The following LRMDA variants were observed in gnomAD, a reference collection of about 807,000 sequenced individuals.
LRMDA encodes the protein leucine-rich melanocyte differentiation-associated protein.
Under a neutral mutation model 29.8 loss-of-function variants are expected in LRMDA, and 18 were observed. The observed-to-expected ratio is 0.60, with a 90% confidence interval of 0.42 to 0.90. LRMDA has a LOEUF of 0.90. LRMDA is among the 40% of genes least tolerant of loss of function. The pLI is 0.00. For missense variants in LRMDA, 273 were observed against 273.9 expected, an observed-to-expected ratio of 1.00 and a Z score of 0.02; for synonymous variants, 125 against 109.4, an observed-to-expected ratio of 1.14 and a Z score of -0.89.
chr10:75,947,571 C>T (rs573330432), intron 2 of LRMDA, among the ~76,000 whole-genome samples: 1 of 152,280 alleles, frequency 6.6e-6, no homozygotes, highest in South Asian at 2.1e-4. Context: ...GACTTTGAGT[C>T]CTGGGTCTAC....
chr10:75,656,655 C>T (rs1244769715), intron 2 of LRMDA, among the ~76,000 whole-genome samples: 4 of 152,124 alleles, frequency 2.6e-5, no homozygotes, highest in Non-Finnish European at 5.9e-5. Context: ...TTGGAGGAGA[C>T]AATGATGATG....
intron 2 of LRMDA, among the ~76,000 whole-genome samples, chr10:75,932,039 C>A (rs751757102): frequency 3.3e-5 from 5 of 152,198 alleles, no homozygotes; most frequent in Admixed American, 6.5e-5. Context: ...TGAGAAAAGA[C>A]AAATTGCAAA....
intron 2 of LRMDA, among the ~76,000 whole-genome samples, chr10:75,909,538 G>T (rs185258684): frequency 9.9e-5 from 15 of 152,022 alleles, no homozygotes; most frequent in African/African-American, 3.6e-4. Flanking sequence ...TCTGTAAGTT[G>T]TGGTACATGG....
chr10:76,169,126 T>A (rs1225887146), intron 5 of LRMDA, among the ~76,000 whole-genome samples: 1 of 152,184 alleles, frequency 6.6e-6, no homozygotes, highest in Non-Finnish European at 1.5e-5. Flanking sequence ...CCATAGTAAT[T>A]CTAAAATTAT....
chr10:76,363,168 AGAAAGAAAGGAGGGAG>A (rs1841337449), intron 6 of LRMDA, among the ~76,000 whole-genome samples: 1 of 25,738 alleles, frequency 3.9e-5, no homozygotes, highest in African/African-American at 1.4e-4. Flanking sequence ...AAAGAAAGAA[AGAAAGAAAGGAGGGAG>A]GGAGGGAGGG....
intron 5 of LRMDA, among the ~76,000 whole-genome samples, chr10:76,200,203 A>G (rs1281901354): frequency 6.6e-6 from 1 of 152,168 alleles, no homozygotes; most frequent in Non-Finnish European, 1.5e-5. Context: ...AACTGAAGCA[A>G]TCCTCCTGCC....
intron 2 of LRMDA, among the ~76,000 whole-genome samples, chr10:75,669,950 G>A (rs4442487): frequency 6.6e-6 from 1 of 151,966 alleles, no homozygotes; most frequent in African/African-American, 2.4e-5. Flanking sequence ...TACACTTAAG[G>A]CCCTTTTTTA....
At chr10:76,348,018 T>C (rs950457741) in intron 6 of LRMDA, among the ~76,000 whole-genome samples, 2 of 152,164 alleles carry the variant, frequency 1.3e-5, no homozygotes, top group Non-Finnish European at 2.9e-5. Context: ...GTGTGGTACA[T>C]GCATGGGAGT....
intron 2 of LRMDA, among the ~76,000 whole-genome samples, chr10:75,688,907 T>A (rs1842112799): frequency 6.6e-6 from 1 of 152,204 alleles, no homozygotes; most frequent in Non-Finnish European, 1.5e-5. Flanking sequence ...TTTTTAGCAA[T>A]AAAGTATTTT....
At chr10:76,045,315 T>C (rs756147664) in intron 3 of LRMDA, among the ~76,000 whole-genome samples, 4 of 150,088 alleles carry the variant, frequency 2.7e-5, no homozygotes, top group African/African-American at 4.9e-5. Context: ...TTTCCCCCTC[T>C]CTTGCTAGTT....
intron 2 of LRMDA, among the ~76,000 whole-genome samples, chr10:75,867,286 C>T (rs1202771876): frequency 6.6e-6 from 1 of 152,184 alleles, no homozygotes; most frequent in East Asian, 1.9e-4. Flanking sequence ...CCTCAGCCTC[C>T]TGAGTAGCTG....
At chr10:76,474,423 T>A (rs1198922030) in intron 6 of LRMDA, among the ~76,000 whole-genome samples, 1 of 151,584 alleles carries the variant, frequency 6.6e-6, no homozygotes, top group South Asian at 2.1e-4. Context: ...AAGAACATCA[T>A]CAGGAGTGTG....
At chr10:75,562,936 G>T (rs1589185747) in intron 2 of LRMDA, among the ~76,000 whole-genome samples, 1 of 152,076 alleles carries the variant, frequency 6.6e-6, no homozygotes, top group Non-Finnish European at 1.5e-5. Flanking sequence ...AGGGTAACCC[G>T]ACCTTTCTCT....
chr10:75,934,804 G>A (rs925327851), intron 2 of LRMDA, among the ~76,000 whole-genome samples: 2 of 152,218 alleles, frequency 1.3e-5, no homozygotes, highest in African/African-American at 4.8e-5. Flanking sequence ...GTGTGAATGC[G>A]AAGAAATTGG....
rs547589178 is a variant in LRMDA, at chr10:76,365,660, T to C, written c.601+41175T>C. 8.5e-5 allele frequency among the ~76,000 whole-genome samples: 13 copies of C among 152,330 alleles called. No individual in the cohort carries two copies. The South Asian group carries it at 2.5e-3, about 29-fold the overall frequency. On this transcript the variant is annotated intron_variant, in intron 6 of 6. Transcript: ENST00000611255. ...CTGGATATTAGTCCTTTGTCAGATGTATAGATTGTGAAGATTTTCTCCCGC... is the reference window on the plus strand; with the variant it reads ...CTGGATATTAGTCCTTTGTCAGATGCATAGATTGTGAAGATTTTCTCCCGC...
chr10:76,537,793 C>A lies in LRMDA; in HGVS notation c.602-19416C>A, dbSNP rs1220564185. Among the ~76,000 whole-genome samples, 2 of 152,172 alleles carry A rather than the reference C, an allele frequency of 1.3e-5. 1 individual carries two copies. Among genetic ancestry groups the A allele is most frequent in the Non-Finnish European group, 2.9e-5 (2 of 68,028 alleles). The stretch of plus-strand genomic sequence containing the variant: ...CAGGTTCCAGGGATTCAAGTGTGGA[C>A]ATCTTGAGTTATTCTGCCTACCTAC... On this transcript the variant is annotated intron_variant, in intron 6 of 6. Transcript: ENST00000611255.
chr10:75,702,487 T>G (rs1177302336), intron 2 of LRMDA, among the ~76,000 whole-genome samples: 2 of 152,156 alleles, frequency 1.3e-5, no homozygotes, highest in East Asian at 1.9e-4. Context: ...GTATTGGGTC[T>G]CCTTTCTTCA....
chr10:75,784,922 C>T (rs893746850), intron 2 of LRMDA, among the ~76,000 whole-genome samples: 8 of 152,092 alleles, frequency 5.3e-5, no homozygotes. Context: ...GTAGGGTCTT[C>T]GGGTAAATAG....
At chr10:76,019,718 G>A (rs1268477524) in intron 2 of LRMDA, among the ~76,000 whole-genome samples, 1 of 152,058 alleles carries the variant, frequency 6.6e-6, no homozygotes, top group East Asian at 1.9e-4. Context: ...AAATAATGTT[G>A]TGTCTATAAT....
Sources: gnomAD v4.1 joint callset for allele counts (sites outside exome capture counted in the v4.1 genomes callset) on GRCh38, gnomAD v4.1.1 for gene constraint, MANE v1.5 for transcripts, NCBI Gene and HGNC (gene_info 2026-07-23, HGNC 2026-07-21) for gene names.